SLC45A2: variants seen among roughly 807,000 people sequenced by gnomAD.
The protein encoded by SLC45A2 is membrane-associated transporter protein.
Under a neutral mutation model 45.5 loss-of-function variants are expected in SLC45A2, and 36 were observed. That is an observed-to-expected ratio of 0.79 (90% CI 0.61 to 1.04). The LOEUF (loss-of-function observed/expected upper bound fraction) is 1.04. SLC45A2 is among the 50% of genes least tolerant of loss of function. SLC45A2 has a pLI of 0.00. For missense variants in SLC45A2, 719 were observed against 671.0 expected, an observed-to-expected ratio of 1.07 and a Z score of -0.79; for synonymous variants, 306 against 269.3, an observed-to-expected ratio of 1.14 and a Z score of -1.33.
At position 33,964,208 on chromosome 5, in the gene SLC45A2, G is replaced by A. The variant is rs150486670; in HGVS notation, c.563-192C>T. ...AATGTGGGTTCAAGTTTTGGCTCTA[G>A]CATTTACTTGCTGTGATCTTGGGCT... On this transcript the variant is annotated intron_variant, in intron 2 of 6. Transcript: ENST00000296589. Among the ~76,000 whole-genome samples the A allele has an allele frequency of 3.3e-5, 5 of 152,280 alleles. No homozygotes were observed. In the East Asian group the frequency reaches 7.7e-4, roughly 24 times the overall value.
At chr5:33,950,706 C>A (rs1438930313) in intron 5 of SLC45A2, among the ~76,000 whole-genome samples, 2 of 152,212 alleles carry the variant, frequency 1.3e-5, no homozygotes, top group South Asian at 2.1e-4. Context: ...TTCACCTGGG[C>A]CATATCCCTG....
intron 2 of SLC45A2, among the ~76,000 whole-genome samples, chr5:33,965,324 G>T (rs982413876): frequency 6.6e-6 from 1 of 152,174 alleles, no homozygotes; most frequent in Admixed American, 6.5e-5. Flanking sequence ...CAAGTACCAT[G>T]AATCCTAATT....
At chr5:33,984,095 C>T in intron 1 of SLC45A2, 104 bp downstream of exon 1, 1 of 1,540,380 alleles carries the variant, frequency 6.5e-7, no homozygotes. Context: ...GAGATCAATT[C>T]TAACAAATTT....
intron 3 of SLC45A2, among the ~76,000 whole-genome samples, chr5:33,960,609 G>A (rs566301341): frequency 6.6e-6 from 1 of 152,142 alleles, no homozygotes; most frequent in Non-Finnish European, 1.5e-5. Flanking sequence ...GACTCAGGGG[G>A]TAAGTGTGGA....
chr5:33,964,854 A>C (rs1283411049), intron 2 of SLC45A2, among the ~76,000 whole-genome samples: 4 of 152,202 alleles, frequency 2.6e-5, no homozygotes, highest in African/African-American at 9.7e-5. Context: ...TATGGGCAAG[A>C]AATTACTCAG....
intron 3 of SLC45A2, among the ~76,000 whole-genome samples, chr5:33,957,902 G>A (rs932389584): frequency 2.6e-5 from 4 of 152,176 alleles, no homozygotes; most frequent in African/African-American, 9.7e-5. Context: ...AATGTGCATA[G>A]TATTTCTGTA....
At chr5:33,946,812 G>A (rs1207981734) in intron 6 of SLC45A2, 3 of 1,240,898 alleles carry the variant, frequency 2.4e-6, no homozygotes, top group East Asian at 8.4e-5. Flanking sequence ...GGAGACCTAT[G>A]AGGTGGTTAC....
intron 4 of SLC45A2, among the ~76,000 whole-genome samples, chr5:33,952,184 C>T (rs543611255): frequency 2.6e-4 from 39 of 152,102 alleles, no homozygotes; most frequent in South Asian, 4.2e-4. Context: ...TGGAGTACAG[C>T]GGCACAGTCA....
intron 6 of SLC45A2, 111 bp downstream of exon 6, chr5:33,947,052 G>C (rs1391297876): frequency 6.2e-7 from 1 of 1,610,292 alleles, no homozygotes; most frequent in Non-Finnish European, 8.5e-7. Context: ...GACTGTTGCT[G>C]TTTCAAGAAC....
chr5:33,963,949 C>T lies in SLC45A2; in HGVS notation c.630G>A (p.Leu210=). The T allele has an allele frequency of 6.2e-6, 10 of 1,614,156 alleles. No individual in the cohort carries two copies. Among genetic ancestry groups the T allele is most frequent in the Non-Finnish European group, 8.5e-6 (10 of 1,180,004 alleles). The change falls in exon 3 of 7, where the codon CTG becomes CTA. Residue 210 remains leucine, a synonymous_variant. Transcript: ENST00000296589. ...ACATGACCTGGAATTCTGTACCCAA[C>T]AGTCTTCCCAGCTCCAGATGGGCCC... ...IDWAHLELGR[L]LGTEFQVMFF... is the part of the protein sequence containing the mutation.
intron 3 of SLC45A2, among the ~76,000 whole-genome samples, chr5:33,962,040 TTCCTA>T (rs1174007495): frequency 1.3e-5 from 2 of 152,220 alleles, no homozygotes; most frequent in African/African-American, 2.4e-5. Flanking sequence ...AGACTTTCCC[TTCCTA>T]TTTCTGCTTT....
Position 33,968,525 on chromosome 5 carries a change from C to T in SLC45A2, c.563-4509G>A, listed in dbSNP as rs554398883. 2.0e-5 allele frequency among the ~76,000 whole-genome samples: 3 copies of T among 152,280 alleles called. No individual in the cohort carries two copies. In the East Asian group the frequency reaches 5.8e-4, roughly 29 times the overall value. ...AGCCAGGCTGTGTTGTCAAACTCAG[C>T]AGAATAAATGGCTTTAGAAGACAGA... On this transcript the variant is annotated intron_variant, in intron 2 of 6. Transcript: ENST00000296589.
chr5:33,946,650 A>G, intron 6 of SLC45A2: 6 of 1,014,820 alleles, frequency 5.9e-6, no homozygotes, highest in Non-Finnish European at 7.1e-6. Flanking sequence ...CTTCTCACAC[A>G]TGGGGTCTGA....
intron 2 of SLC45A2, among the ~76,000 whole-genome samples, chr5:33,977,380 T>C (rs1752959679): frequency 6.6e-6 from 1 of 152,234 alleles, no homozygotes; most frequent in South Asian, 2.1e-4. Flanking sequence ...GGTCTCTTCC[T>C]GATGGAGTTA....
At chr5:33,960,198 A>C (rs1286640776) in intron 3 of SLC45A2, among the ~76,000 whole-genome samples, 1 of 152,072 alleles carries the variant, frequency 6.6e-6, no homozygotes, top group African/African-American at 2.4e-5. Context: ...AGTTTATATC[A>C]ACACCAGCAG....
At chr5:33,957,763 A>G (rs1380867522) in intron 3 of SLC45A2, among the ~76,000 whole-genome samples, 1 of 152,176 alleles carries the variant, frequency 6.6e-6, no homozygotes, top group Non-Finnish European at 1.5e-5. Flanking sequence ...GAGAAAGCGA[A>G]TCTGGTCAGC....
chr5:33,970,285 A>G (rs1329017424), intron 2 of SLC45A2, among the ~76,000 whole-genome samples: 4 of 152,086 alleles, frequency 2.6e-5, no homozygotes, highest in African/African-American at 9.7e-5. Context: ...GGCTTACAAA[A>G]CCCATGGTAC....
intron 1 of SLC45A2, among the ~76,000 whole-genome samples, chr5:33,983,268 A>G (rs922706266): frequency 1.3e-5 from 2 of 152,148 alleles, no homozygotes; most frequent in African/African-American, 2.4e-5. Context: ...TAAAAGATAC[A>G]TTGTTGTTTC....
chr5:33,947,419 TA>T, intron 5 of SLC45A2, 45 bp from the exon 6 acceptor site: 2 of 1,498,982 alleles, frequency 1.3e-6, no homozygotes, highest in East Asian at 2.3e-5. Context: ...CAGTGCCTCA[TA>T]ACATTTAATA....
Sources: gnomAD v4.1 joint callset for allele counts (sites outside exome capture counted in the v4.1 genomes callset) on GRCh38, gnomAD v4.1.1 for gene constraint, MANE v1.5 for transcripts, NCBI Gene and HGNC (gene_info 2026-07-23, HGNC 2026-07-21) for gene names.